The following ODAPH variants were observed in gnomAD, a reference collection of about 807,000 sequenced individuals.
ODAPH encodes the protein amelogenesis imperfecta type IIA4.
ODAPH carries 2 observed loss-of-function variants against 2.8 expected under a neutral mutation model. The ratio of observed to expected loss-of-function variants is 0.72; its 90% CI spans 0.30 to 2.28. The LOEUF (loss-of-function observed/expected upper bound fraction) is 2.28, where lower values mean the gene tolerates loss of function less well. Among genes scored for constraint, ODAPH ranks in the 30% most tolerant of loss-of-function variants. ODAPH has a pLI of 0.13. For synonymous variants in ODAPH, 75 were observed against 60.3 expected (o/e 1.24, Z -1.13); for missense variants, 159 against 163.3 (o/e 0.97, Z 0.14).
rs371574253 is a variant in ODAPH at position 75,561,094 on chromosome 4, C to G, written c.68-3020C>G. On this transcript the variant is annotated intron_variant, in intron 1 of 1. Transcript: ENST00000311623. ...AAAGAATTAGCCGGGCGTGGTGGCG[C>G]GCGCCTGTAGTCCCGGCTACTCGGG... Among the ~76,000 whole-genome samples, 789 of 152,006 alleles carry G rather than the reference C, an allele frequency of 5.2e-3. 4 individuals are homozygous for G. The highest frequency in any genetic ancestry group is 0.018 in the African/African-American group (743 of 41,458).
At chr4:75,556,568 A>G (rs1727347083) in intron 1 of ODAPH, 2 of 1,535,094 alleles carry the variant, frequency 1.3e-6, no homozygotes, top group African/African-American at 1.4e-5. Context: ...CTCCAGCAGC[A>G]TATTAATTTG....
At chr4:75,559,733 A>T (rs1727484918) in intron 1 of ODAPH, among the ~76,000 whole-genome samples, 1 of 152,230 alleles carries the variant, frequency 6.6e-6, no homozygotes. Context: ...TACTCCTGAG[A>T]AGTAGGAACT....
In ODAPH at chr4:75,563,005, C is replaced by CTTTTTTTTTTTTTT. The variant is rs542417085; in HGVS notation, c.68-1085_68-1072dup. ...TTTACATGCAATAAAATCCACACAT[C>CTTTTTTTTTTTTTT]TTTTTTTTTTTTTTTTTTTTTTTTT... is the stretch of plus-strand genomic sequence containing the variant. On this transcript the variant is annotated intron_variant, in intron 1 of 1. Transcript: ENST00000311623. Among the ~76,000 whole-genome samples the CTTTTTTTTTTTTTT allele has an allele frequency of 3.4e-5, 2 of 59,536 alleles. 1 individual carries two copies. Among genetic ancestry groups the CTTTTTTTTTTTTTT allele is most frequent in the Non-Finnish European group, 6.2e-5 (2 of 32,226 alleles). The allele number at this position is 59,536 out of a possible 152,430, so 39.1% of individuals were successfully genotyped here.
At chr4:75,562,485 A>T (rs1205290239) in intron 1 of ODAPH, among the ~76,000 whole-genome samples, 1 of 151,676 alleles carries the variant, frequency 6.6e-6, no homozygotes, top group Admixed American at 6.6e-5. Context: ...GATTACAGGC[A>T]TGCACCACCA....
chr4:75,557,782 C>T (rs1727397845), intron 1 of ODAPH, among the ~76,000 whole-genome samples: 1 of 152,230 alleles, frequency 6.6e-6, no homozygotes. Flanking sequence ...TTCACACACA[C>T]CCTGGGTCTG....
intron 1 of ODAPH, among the ~76,000 whole-genome samples, chr4:75,561,223 CAAAAAA>C (rs35040152): frequency 4.8e-5 from 3 of 62,700 alleles, no homozygotes; most frequent in African/African-American, 1.2e-4. Flanking sequence ...AACTCAATCT[CAAAAAA>C]AAAAAAAAAA....
At chr4:75,562,147 G>A (rs1727604334) in intron 1 of ODAPH, among the ~76,000 whole-genome samples, 1 of 152,174 alleles carries the variant, frequency 6.6e-6, no homozygotes, top group Non-Finnish European at 1.5e-5. Flanking sequence ...TAGCCAGAAG[G>A]TGCGTAGGAC....
intron 1 of ODAPH, among the ~76,000 whole-genome samples, chr4:75,561,507 T>C (rs137954238): frequency 8.5e-5 from 13 of 152,134 alleles, no homozygotes; most frequent in African/African-American, 3.1e-4. Context: ...TTGATTATTA[T>C]AAGGATATCT....
At chr4:75,560,839 A>G (rs1235716199) in intron 1 of ODAPH, among the ~76,000 whole-genome samples, 1 of 152,204 alleles carries the variant, frequency 6.6e-6, no homozygotes, top group Non-Finnish European at 1.5e-5. Context: ...GGTTTTTAAC[A>G]GCTGGAGCAC....
intron 1 of ODAPH, chr4:75,556,543 C>T: frequency 2.6e-6 from 4 of 1,534,722 alleles, no homozygotes; most frequent in African/African-American, 1.4e-5. Flanking sequence ...AATTACAGCA[C>T]TGTCCACTTT....
At chr4:75,565,054 T>C (rs1256177635), downstream of ODAPH, 1 of 158,544 alleles carries the variant, frequency 6.3e-6, no homozygotes, top group Non-Finnish European at 1.4e-5. Flanking sequence ...TGGAGTTTAG[T>C]GGTGCTGTCT....
downstream of ODAPH, chr4:75,564,895 A>G (rs1387670112): frequency 1.3e-5 from 3 of 233,888 alleles, 1 homozygote; most frequent in African/African-American, 7.1e-5. Context: ...TAAACTTTAA[A>G]AGAAATTATA....
intron 1 of ODAPH, among the ~76,000 whole-genome samples, chr4:75,561,844 C>A (rs28672812): frequency 0.12 from 17,519 of 151,926 alleles, 1,115 homozygotes; most frequent in South Asian, 0.2. Flanking sequence ...GAGACTCCGT[C>A]GAAAAAAAAG....
rs960786661 is a variant in ODAPH at position 75,564,630 on chromosome 4, G to A, written c.*191G>A. 5.5e-6 allele frequency: 7 copies of A among 1,282,892 alleles called. No homozygotes were observed. In the African/African-American group the frequency reaches 9.0e-5, roughly 17 times the overall value. 79.5% of individuals were successfully genotyped at this position (1,282,892 alleles called of 1,614,324 possible). A position where few individuals can be genotyped will look rare whatever the true frequency, so the allele number is the denominator to read the frequency against. On this transcript the variant is annotated 3_prime_UTR_variant, in exon 2 of 2. Transcript: ENST00000311623. The stretch of plus-strand genomic sequence containing the variant: ...GATATTGGATCATAGGTTATTGATG[G>A]TTGCAAAATTGGACAATAACCACGT...
intron 1 of ODAPH, among the ~76,000 whole-genome samples, chr4:75,562,879 C>T (rs1465779411): frequency 6.6e-6 from 1 of 152,028 alleles, no homozygotes; most frequent in Non-Finnish European, 1.5e-5. Flanking sequence ...AATTATTTCA[C>T]TGCTTGGGCA....
At position 75,564,472 on chromosome 4, in the gene ODAPH, A is replaced by C; in HGVS notation, c.*33A>C. On this transcript the variant is annotated 3_prime_UTR_variant, in exon 2 of 2. Coordinates refer to ENST00000311623, the MANE Select transcript of ODAPH (RefSeq NM_178497.5). ...GAGAAACCCAAACATACTGAAGCAA[A>C]AAAAAGCCTATCCTTCAGAAAAAAG... The C allele has an allele frequency of 1.2e-6, 2 of 1,613,896 alleles. No individual in the cohort carries two copies. The highest frequency in any genetic ancestry group is 2.7e-5 in the African/African-American group (2 of 75,026).
Position 75,564,203 on chromosome 4 carries a change from G to GC in ODAPH, c.161dup (p.Arg55GlufsTer30). ...GATCTTTACACTCACCCCTCCACCTGCCCCGAGGAGTCCGGTCACAAGGGC... is the reference window on the plus strand; with the variant it reads ...GATCTTTACACTCACCCCTCCACCTGCCCCCGAGGAGTCCGGTCACAAGGGC... On this transcript the variant is annotated frameshift_variant, in exon 2 of 2. Coordinates refer to ENST00000311623, the MANE Select transcript of ODAPH (RefSeq NM_178497.5). LOFTEE classifies it low-confidence loss of function (END_TRUNC). 2 of 1,614,146 alleles carry GC rather than the reference G, an allele frequency of 1.2e-6. No individual in the cohort carries two copies. The highest frequency in any genetic ancestry group is 8.5e-7 in the Non-Finnish European group (1 of 1,180,020).
At chr4:75,557,927 C>T (rs1227785925) in intron 1 of ODAPH, among the ~76,000 whole-genome samples, 1 of 152,210 alleles carries the variant, frequency 6.6e-6, no homozygotes, top group Non-Finnish European at 1.5e-5. Flanking sequence ...ATTTAAATGC[C>T]ACTATGATTT....
downstream of ODAPH, chr4:75,565,758 CAG>C (rs896059117): frequency 2.7e-5 from 4 of 147,052 alleles, no homozygotes; most frequent in African/African-American, 1.0e-4. Flanking sequence ...GCTACAAAAA[CAG>C]AAAAAAAAAA....
Sources: gnomAD v4.1 joint callset for allele counts (sites outside exome capture counted in the v4.1 genomes callset) on GRCh38, gnomAD v4.1.1 for gene constraint, MANE v1.5 for transcripts, NCBI Gene and HGNC (gene_info 2026-07-23, HGNC 2026-07-21) for gene names.